The following PDZD2 variants were observed in gnomAD, a reference collection of about 807,000 sequenced individuals.
PDZD2 encodes PDZ domain containing 2, also known as PDZ domain-containing protein 2.
Under a neutral mutation model 220.7 loss-of-function variants are expected in PDZD2, and 90 were observed. That is an observed-to-expected ratio of 0.41 (90% confidence interval 0.34 to 0.49). The LOEUF (loss-of-function observed/expected upper bound fraction) is 0.49, where lower values mean the gene tolerates loss of function less well. Ranked by LOEUF, PDZD2 falls within the 20% of genes least tolerant of loss-of-function variation. The probability of loss-of-function intolerance (pLI) is 0.28; values close to 1 mark genes in which losing one functional copy is unlikely to be tolerated. For synonymous variants in PDZD2, 1,375 were observed against 1,450.5 expected, an observed-to-expected ratio of 0.95 and a Z score of 1.18; for missense variants, 3,174 against 3,608.5, an observed-to-expected ratio of 0.88 and a Z score of 3.08.
intron 1 of PDZD2, among the ~76,000 whole-genome samples, chr5:31,666,819 G>GT (rs1351278738): frequency 6.6e-6 from 1 of 152,200 alleles, no homozygotes; most frequent in Admixed American, 6.5e-5. Flanking sequence ...AGATAGACCA[G>GT]TTCTTGATTA....
intron 1 of PDZD2, among the ~76,000 whole-genome samples, chr5:31,734,308 T>TGTA (rs1749712490): frequency 6.6e-6 from 1 of 152,124 alleles, no homozygotes; most frequent in Non-Finnish European, 1.5e-5. Flanking sequence ...CCTGTCATTT[T>TGTA]GTTGTTGTTG....
intron 2 of PDZD2, among the ~76,000 whole-genome samples, chr5:31,833,478 G>GA (rs869118030): frequency 3.4e-3 from 7 of 2,060 alleles, no homozygotes; most frequent in South Asian, 0.023. Flanking sequence ...AAAAAAAAAA[G>GA]AAAAAAAAAA....
intron 24 of PDZD2, among the ~76,000 whole-genome samples, chr5:32,104,716 T>TAAAAAAA (rs755177769): frequency 1.3e-4 from 4 of 30,096 alleles, no homozygotes; most frequent in African/African-American, 1.6e-4. Context: ...AGGCTCCATC[T>TAAAAAAA]AAAAAAAAAA....
chr5:32,095,697 G>T (rs902235491), intron 21 of PDZD2, among the ~76,000 whole-genome samples: 1 of 139,996 alleles, frequency 7.1e-6, no homozygotes, highest in African/African-American at 2.6e-5. Flanking sequence ...AACTTGTCCT[G>T]GAATGCAGGA....
intron 14 of PDZD2, among the ~76,000 whole-genome samples, chr5:32,068,231 A>G (rs1272622335): frequency 6.6e-6 from 1 of 152,222 alleles, no homozygotes; most frequent in Admixed American, 6.5e-5. Context: ...GGTTTCTTCC[A>G]AGATATCAGT....
intron 1 of PDZD2, among the ~76,000 whole-genome samples, chr5:31,764,462 G>T (rs1250391666): frequency 6.6e-6 from 1 of 152,158 alleles, no homozygotes; most frequent in Non-Finnish European, 1.5e-5. Flanking sequence ...AAGAAGTAGG[G>T]CAACCTCGAG....
chr5:31,827,705 A>AAAT (rs1554080256), intron 2 of PDZD2, among the ~76,000 whole-genome samples: 9 of 138,300 alleles, frequency 6.5e-5, no homozygotes, highest in African/African-American at 2.5e-4. Flanking sequence ...AAAAATAAAT[A>AAAT]AATAAAAAAA....
chr5:31,698,503 G>A (rs1331516440), intron 1 of PDZD2, among the ~76,000 whole-genome samples: 2 of 151,192 alleles, frequency 1.3e-5, no homozygotes, highest in African/African-American at 4.9e-5. Flanking sequence ...GGAGGCTGAG[G>A]CAGGAGAATG....
At chr5:31,756,907 G>A (rs1751334394) in intron 1 of PDZD2, among the ~76,000 whole-genome samples, 1 of 152,230 alleles carries the variant, frequency 6.6e-6, no homozygotes, top group Non-Finnish European at 1.5e-5. Context: ...TATGAATAAA[G>A]AAACAAAGCA....
intron 3 of PDZD2, among the ~76,000 whole-genome samples, chr5:31,987,040 A>G (rs1376447238): frequency 1.5e-5 from 1 of 65,222 alleles, no homozygotes; most frequent in Non-Finnish European, 3.7e-5. Flanking sequence ...GTCCTCTAAA[A>G]CAATCTCCTA....
chr5:31,798,957 A>T lies in PDZD2; in HGVS notation c.-292A>T. On this transcript the variant is annotated 5_prime_UTR_variant, in exon 2 of 25. An upstream start codon of the reference 5' UTR is lost. Coordinates refer to ENST00000438447, the MANE Select transcript of PDZD2 (RefSeq NM_178140.4). ...GATCCTCCATTCCTGTGTCATTTGC[A>T]TGGGTCCTGCTGTGAAATGAACCTG... 4.7e-6 allele frequency: 2 copies of T among 429,764 alleles called. No homozygotes were observed. Among genetic ancestry groups the T allele is most frequent in the Non-Finnish European group, 8.3e-6 (2 of 240,024 alleles). The allele number at this position is 429,764 out of a possible 1,614,324, so 26.6% of individuals were successfully genotyped here.
intron 6 of PDZD2, among the ~76,000 whole-genome samples, chr5:32,019,555 ATAG>A (rs1754033222): frequency 6.6e-6 from 1 of 152,224 alleles, no homozygotes; most frequent in African/African-American, 2.4e-5. Flanking sequence ...TGGAAGGAAA[ATAG>A]TAGAATGTAT....
chr5:31,737,167 C>CTTTTTTTTTTTTTTTTTT (rs57379430), intron 1 of PDZD2, among the ~76,000 whole-genome samples: 1 of 66,302 alleles, frequency 1.5e-5, no homozygotes, highest in Non-Finnish European at 2.6e-5. Flanking sequence ...CAGTCTACTT[C>CTTTTTTTTTTTTTTTTTT]TTTTTTTTTT....
chr5:31,949,764 C>G (rs1360238119), intron 2 of PDZD2, among the ~76,000 whole-genome samples: 1 of 151,682 alleles, frequency 6.6e-6, no homozygotes, highest in Non-Finnish European at 1.5e-5. Context: ...CCTCTGCCTC[C>G]CGGGTTCAAG....
intron 1 of PDZD2, among the ~76,000 whole-genome samples, chr5:31,674,174 T>C (rs1746318795): frequency 6.6e-6 from 1 of 152,186 alleles, no homozygotes; most frequent in Non-Finnish European, 1.5e-5. Flanking sequence ...GCAGCCCAAG[T>C]GGACTAAGCC....
At chr5:31,698,874 C>CA (rs1747491802) in intron 1 of PDZD2, among the ~76,000 whole-genome samples, 1 of 152,148 alleles carries the variant, frequency 6.6e-6, no homozygotes, top group South Asian at 2.1e-4. Flanking sequence ...GGTTTGTGAC[C>CA]CCATCCGTCT....
intron 3 of PDZD2, among the ~76,000 whole-genome samples, chr5:31,984,741 T>C (rs1244438481): frequency 6.6e-6 from 1 of 152,094 alleles, no homozygotes; most frequent in Non-Finnish European, 1.5e-5. Flanking sequence ...AGTGAGAGGA[T>C]CGCTTGAGTC....
chr5:31,825,182 C>T (rs546125795), intron 2 of PDZD2, among the ~76,000 whole-genome samples: 3 of 152,326 alleles, frequency 2.0e-5, no homozygotes, highest in Non-Finnish European at 4.4e-5. Flanking sequence ...TGAGAGACCA[C>T]GCTGCTTTGC....
chr5:31,690,837 T>A lies in PDZD2; in HGVS notation c.-361+51400T>A, dbSNP rs185753397. 4.0e-3 allele frequency among the ~76,000 whole-genome samples: 602 copies of A among 152,236 alleles called. 6 individuals carry two copies. Among genetic ancestry groups the A allele is most frequent in the African/African-American group, 0.014 (582 of 41,548 alleles). ...TTCTGGGAATTAGGATGCAAACATA[T>A]TTTTTTGGGGGGCCACTGTCCAGCC... On this transcript the variant is annotated intron_variant, in intron 1 of 24. Transcript: ENST00000438447.
Sources: allele counts gnomAD v4.1 joint callset (sites outside exome capture counted in the v4.1 genomes callset), GRCh38; gene constraint gnomAD v4.1.1; transcripts MANE v1.5; gene names NCBI Gene and HGNC (gene_info 2026-07-23, HGNC 2026-07-21).